The following EDIL3 variants were observed in gnomAD, a reference collection of about 807,000 sequenced individuals.
The protein encoded by EDIL3 is EGF like and discoidin domains 3, also known as EGF-like repeat and discoidin I-like domain-containing protein 3.
A neutral mutation model predicts 67.4 loss-of-function variants in EDIL3; 37 were observed. The observed-to-expected ratio is 0.55, with a 90% CI of 0.42 to 0.72. The LOEUF is 0.72. Among genes scored for constraint, EDIL3 ranks in the 30% least tolerant of loss-of-function variants. The pLI is 0.00. For missense variants in EDIL3, 527 were observed against 586.3 expected (o/e 0.90, Z 1.04); for synonymous variants, 195 against 196.3 (o/e 0.99, Z 0.05).
At chr5:84,009,890 G>C (rs939845541) in intron 9 of EDIL3, among the ~76,000 whole-genome samples, 1 of 152,188 alleles carries the variant, frequency 6.6e-6, no homozygotes, top group Non-Finnish European at 1.5e-5. Context: ...CCCTGTCCCT[G>C]TCCCAGATGG....
At chr5:83,962,277 A>AC (rs1323731453) in intron 10 of EDIL3, among the ~76,000 whole-genome samples, 1 of 151,556 alleles carries the variant, frequency 6.6e-6, no homozygotes, top group African/African-American at 2.4e-5. Flanking sequence ...AACATGTATA[A>AC]AGCAGTGTTA....
chr5:84,103,758 C>T (rs1747409825), intron 6 of EDIL3, among the ~76,000 whole-genome samples: 1 of 152,006 alleles, frequency 6.6e-6, no homozygotes, highest in Non-Finnish European at 1.5e-5. Context: ...AATGGTTATA[C>T]ACTGTTGGTG....
chr5:84,337,312 T>C (rs1429949325), intron 1 of EDIL3, among the ~76,000 whole-genome samples: 2 of 152,148 alleles, frequency 1.3e-5, no homozygotes, highest in Non-Finnish European at 1.5e-5. Flanking sequence ...TAGGTACACG[T>C]TGATCTGCTT....
At chr5:83,984,663 T>C (rs1437366759) in intron 9 of EDIL3, among the ~76,000 whole-genome samples, 2 of 152,006 alleles carry the variant, frequency 1.3e-5, no homozygotes, top group Non-Finnish European at 2.9e-5. Flanking sequence ...ACCCTCAGCA[T>C]TGGAGCTGGA....
chr5:84,287,195 T>A (rs944876876), intron 1 of EDIL3, among the ~76,000 whole-genome samples: 1 of 152,162 alleles, frequency 6.6e-6, no homozygotes, highest in African/African-American at 2.4e-5. Context: ...CTTGCCTTAT[T>A]TTCATAAAGA....
intron 5 of EDIL3, among the ~76,000 whole-genome samples, chr5:84,126,988 G>A (rs1484452105): frequency 1.3e-5 from 2 of 152,002 alleles, no homozygotes; most frequent in Non-Finnish European, 2.9e-5. Flanking sequence ...TTGTCATTTC[G>A]GGGATGTTTA....
At chr5:84,307,295 TA>T (rs140890978) in intron 1 of EDIL3, among the ~76,000 whole-genome samples, 39,990 of 151,592 alleles carry the variant, frequency 0.26, 6,053 homozygotes, top group Non-Finnish European at 0.35. Context: ...CAAAGACAAA[TA>T]AAAAAGTCAC....
chr5:83,969,779 T>C (rs1338202565), intron 9 of EDIL3, among the ~76,000 whole-genome samples: 1 of 151,928 alleles, frequency 6.6e-6, no homozygotes, highest in African/African-American at 2.4e-5. Context: ...AAAAAATTGA[T>C]ACATAATAAT....
chr5:84,298,321 T>A (rs1226867774), intron 1 of EDIL3, among the ~76,000 whole-genome samples: 2 of 152,108 alleles, frequency 1.3e-5, no homozygotes, highest in South Asian at 4.1e-4. Flanking sequence ...TGAGATCATG[T>A]CTTTTGCAGA....
At position 84,067,243 on chromosome 5, in the gene EDIL3, T is replaced by C. The variant is rs901389962; in HGVS notation, c.652-637A>G. Among the ~76,000 whole-genome samples the C allele has an allele frequency of 9.9e-5, 15 of 152,272 alleles. No homozygotes were observed. In the East Asian group the frequency reaches 2.9e-3, roughly 29 times the overall value. On this transcript the variant is annotated intron_variant, in intron 6 of 10. Transcript: ENST00000296591. ...AAATTTCTAACTGGAATTTTCTGTC[T>C]CCATATTTTCTCCCCATTCCAAATC...
intron 3 of EDIL3, among the ~76,000 whole-genome samples, chr5:84,205,676 C>G (rs2112383022): frequency 6.6e-6 from 1 of 152,090 alleles, no homozygotes; most frequent in East Asian, 1.9e-4. Context: ...TCCATTTCTT[C>G]TAGATTTTCT....
intron 9 of EDIL3, among the ~76,000 whole-genome samples, chr5:84,053,293 G>A (rs1387367368): frequency 6.6e-6 from 1 of 152,108 alleles, no homozygotes. Flanking sequence ...AGGATCTCTG[G>A]GACACATTCA....
intron 9 of EDIL3, among the ~76,000 whole-genome samples, chr5:83,998,262 T>A (rs1365509374): frequency 6.6e-6 from 1 of 152,020 alleles, no homozygotes; most frequent in African/African-American, 2.4e-5. Flanking sequence ...CATAGTAAAA[T>A]AAATCATGGA....
chr5:84,106,344 G>T (rs1054987598), intron 6 of EDIL3, among the ~76,000 whole-genome samples: 12 of 151,982 alleles, frequency 7.9e-5, no homozygotes, highest in African/African-American at 2.7e-4. Context: ...GCTGCTAAAC[G>T]TTATCACAGT....
At chr5:83,954,880 C>T (rs912307981) in intron 10 of EDIL3, among the ~76,000 whole-genome samples, 7 of 151,872 alleles carry the variant, frequency 4.6e-5, no homozygotes, top group African/African-American at 1.4e-4. Context: ...GCTAACATCT[C>T]CTGCTTTCAT....
intron 1 of EDIL3, among the ~76,000 whole-genome samples, chr5:84,339,616 AT>A (rs1488195856): frequency 6.6e-6 from 1 of 151,794 alleles, no homozygotes; most frequent in East Asian, 1.9e-4. Context: ...TTTTTTTTTA[AT>A]TTTTGAAACA....
At chr5:84,337,151 A>C (rs1747005797) in intron 1 of EDIL3, among the ~76,000 whole-genome samples, 1 of 152,258 alleles carries the variant, frequency 6.6e-6, no homozygotes, top group East Asian at 1.9e-4. Flanking sequence ...CCTTTTCCAA[A>C]TTCATTGAAA....
intron 1 of EDIL3, among the ~76,000 whole-genome samples, chr5:84,383,584 A>G (rs1748138139): frequency 6.6e-6 from 1 of 152,044 alleles, no homozygotes; most frequent in Non-Finnish European, 1.5e-5. Context: ...CTTGCCCCGC[A>G]CTATTCCCCA....
Position 83,963,370 on chromosome 5 carries a change from A to G in EDIL3, c.1138-10T>C, listed in dbSNP as rs563082099. On this transcript the variant is annotated splice_polypyrimidine_tract_variant and intron_variant, in intron 9 of 10. Coordinates refer to ENST00000296591, the MANE Select transcript of EDIL3 (RefSeq NM_005711.5). The stretch of plus-strand genomic sequence containing the variant: ...GAACAAGAAGATCCACCTTAAAAAA[A>G]AGAAAAATACAGGCTTTAAATGCGA... 5.7e-6 allele frequency: 9 copies of G among 1,590,406 alleles called. No individual in the cohort carries two copies. Among genetic ancestry groups the G allele is most frequent in the Non-Finnish European group, 6.0e-6 (7 of 1,172,060 alleles).
Sources: gnomAD v4.1 joint callset for allele counts (sites outside exome capture counted in the v4.1 genomes callset) on GRCh38, gnomAD v4.1.1 for gene constraint, MANE v1.5 for transcripts, NCBI Gene and HGNC (gene_info 2026-07-23, HGNC 2026-07-21) for gene names.